PRIM2: variants seen among roughly 807,000 people sequenced by gnomAD.
PRIM2 encodes DNA primase subunit 2, also known as DNA primase large subunit.
Under a neutral mutation model 67.3 loss-of-function variants are expected in PRIM2, and 39 were observed. The observed-to-expected ratio is 0.58, with a 90% CI of 0.45 to 0.76. The LOEUF is 0.76. Among genes scored for constraint, PRIM2 ranks in the 30% least tolerant of loss-of-function variants. PRIM2 has a pLI of 0.00. For missense variants in PRIM2, 398 were observed against 598.7 expected, an observed-to-expected ratio of 0.66 and a Z score of 3.50; for synonymous variants, 143 against 198.7, an observed-to-expected ratio of 0.72 and a Z score of 2.36.
chr6:57,236,464 G>C, the PRIM2 span, among the ~76,000 whole-genome samples: 6 of 151,548 alleles, frequency 4.0e-5, no homozygotes, highest in Non-Finnish European at 8.8e-5. Context: ...TGTGCACAAC[G>C]TGCAGGTTTG....
chr6:57,426,212 A>G (rs1479423072), intron 7 of PRIM2, among the ~76,000 whole-genome samples: 2 of 152,174 alleles, frequency 1.3e-5, no homozygotes, highest in African/African-American at 4.8e-5. Context: ...CACCTTCCCA[A>G]ATATAACCTT....
At chr6:57,234,724 T>G in the PRIM2 span, among the ~76,000 whole-genome samples, 3 of 151,978 alleles carry the variant, frequency 2.0e-5, no homozygotes, top group Admixed American at 6.6e-5. Flanking sequence ...GGGGTTTCAC[T>G]GTGTTAGCCA....
At chr6:57,320,671 T>C in intron 3 of PRIM2, 111 bp downstream of exon 3, 1 of 636,944 alleles carries the variant, frequency 1.6e-6, no homozygotes, top group Non-Finnish European at 2.7e-6. Context: ...AAGACTAATG[T>C]ATCATTAGCC....
chr6:57,576,464 C>T (rs1350827473), intron 10 of PRIM2, among the ~76,000 whole-genome samples: 1 of 152,166 alleles, frequency 6.6e-6, no homozygotes, highest in Non-Finnish European at 1.5e-5. Flanking sequence ...ATGAAGTTTA[C>T]ATAGCCCTTC....
At chr6:57,437,930 T>TA (rs1772067614) in intron 7 of PRIM2, among the ~76,000 whole-genome samples, 1 of 152,098 alleles carries the variant, frequency 6.6e-6, no homozygotes, top group Non-Finnish European at 1.5e-5. Context: ...ATGCTGGAAT[T>TA]ACAGGCATGA....
intron 9 of PRIM2, among the ~76,000 whole-genome samples, chr6:57,535,570 A>G (rs1430094033): frequency 6.6e-6 from 1 of 152,184 alleles, no homozygotes; most frequent in African/African-American, 2.4e-5. Flanking sequence ...ATAATTGAAA[A>G]GTAGTTATTG....
chr6:57,474,700 ATTAAGAGGTGGGGGCCT>A (rs1357935540), intron 7 of PRIM2, among the ~76,000 whole-genome samples: 1 of 152,092 alleles, frequency 6.6e-6, no homozygotes, highest in Non-Finnish European at 1.5e-5. Flanking sequence ...GTGTGAGACT[ATTAAGAGGTGGGGGCCT>A]TTAAGAGGTG....
At position 57,633,085 on chromosome 6, in the gene PRIM2, CAG is replaced by C. The variant is rs1173644782; in HGVS notation, c.1299+887_1299+888del. 7.9e-5 allele frequency among the ~76,000 whole-genome samples: 12 copies of C among 152,224 alleles called. 1 individual carries two copies. Among genetic ancestry groups the C allele is most frequent in the Non-Finnish European group, 1.6e-4 (11 of 68,046 alleles). On this transcript the variant is annotated intron_variant, in intron 13 of 13. Coordinates refer to ENST00000615550, the MANE Select transcript of PRIM2 (RefSeq NM_000947.5). ...GTGAAGCTGCCTGAGATTAGTACAA[CAG>C]AGTACGGCAGAATTATGGTGCACTA...
At chr6:57,224,616 G>A in the PRIM2 span, among the ~76,000 whole-genome samples, 1 of 151,550 alleles carries the variant, frequency 6.6e-6, no homozygotes, top group African/African-American at 2.4e-5. Context: ...TGTATATCTT[G>A]CCAAATTTCT....
In PRIM2 at chr6:57,573,002, G is replaced by A. The variant is rs1213382845; in HGVS notation, c.1021-28091G>A. Among the ~76,000 whole-genome samples, 13 of 152,176 alleles carry A rather than the reference G, an allele frequency of 8.5e-5. 1 individual carries two copies. Among genetic ancestry groups the A allele is most frequent in the African/African-American group, 3.1e-4 (13 of 41,428 alleles). ...CTGTCTCCCAGGATAGAATGCAGTG[G>A]CACAGTCATAGAGTAACCTCACTGT... On this transcript the variant is annotated intron_variant, in intron 10 of 13. Coordinates refer to ENST00000615550, the MANE Select transcript of PRIM2 (RefSeq NM_000947.5).
At chr6:57,340,873 G>T (rs1023760381) in intron 5 of PRIM2, among the ~76,000 whole-genome samples, 5 of 151,970 alleles carry the variant, frequency 3.3e-5, no homozygotes, top group Non-Finnish European at 5.9e-5. Context: ...TTAAAAAAAT[G>T]GTGTTGAGTC....
chr6:57,620,895 A>G, intron 12 of PRIM2, among the ~76,000 whole-genome samples: 1 of 152,298 alleles, frequency 6.6e-6, no homozygotes, highest in Non-Finnish European at 1.5e-5. Context: ...AAGGCATTTC[A>G]TGTAAATGGA....
At chr6:57,246,917 C>T in the PRIM2 span, among the ~76,000 whole-genome samples, 26 of 151,238 alleles carry the variant, frequency 1.7e-4, no homozygotes, top group Admixed American at 1.1e-3. Flanking sequence ...TGCGGTGGCG[C>T]GATCTCAGCT....
intron 7 of PRIM2, among the ~76,000 whole-genome samples, chr6:57,481,074 G>A (rs1187159541): frequency 1.3e-5 from 2 of 152,176 alleles, no homozygotes; most frequent in East Asian, 1.9e-4. Context: ...CAGTTTGCCC[G>A]AGTGGTTACA....
intron 11 of PRIM2, among the ~76,000 whole-genome samples, chr6:57,603,202 A>ATTTTG (rs1189375533): frequency 2.0e-5 from 3 of 151,808 alleles, no homozygotes; most frequent in Admixed American, 6.6e-5. Flanking sequence ...TAGGTATTGT[A>ATTTTG]TTTTGTTTTG....
At chr6:57,430,337 A>G (rs1480091129) in intron 7 of PRIM2, among the ~76,000 whole-genome samples, 12 of 152,180 alleles carry the variant, frequency 7.9e-5, no homozygotes, top group African/African-American at 2.9e-4. Context: ...GTAGCTAGTA[A>G]AAAACCAGAA....
chr6:57,371,546 A>C (rs1056572071), intron 5 of PRIM2, among the ~76,000 whole-genome samples: 37 of 152,256 alleles, frequency 2.4e-4, no homozygotes, highest in Non-Finnish European at 4.9e-4. Context: ...AGATCTAGGC[A>C]AGATTTATTT....
intron 10 of PRIM2, chr6:57,586,941 A>G (rs1450825805): frequency 2.0e-5 from 3 of 152,358 alleles, no homozygotes; most frequent in African/African-American, 7.2e-5. Context: ...GAAATTAGGT[A>G]TCCACATCCT....
chr6:57,256,611 TTC>T, the PRIM2 span, among the ~76,000 whole-genome samples: 9 of 144,622 alleles, frequency 6.2e-5, no homozygotes, highest in Non-Finnish European at 1.4e-4. Flanking sequence ...CAAGTTTTCT[TTC>T]TCTCTTTCTC....
Sources: allele counts gnomAD v4.1 joint callset (sites outside exome capture counted in the v4.1 genomes callset), GRCh38; gene constraint gnomAD v4.1.1; transcripts MANE v1.5; gene names NCBI Gene and HGNC (gene_info 2026-07-23, HGNC 2026-07-21).